TEX101: variants seen among roughly 807,000 people sequenced by gnomAD.
TEX101 encodes testis expressed 101, also known as testis-expressed protein 101.
TEX101 carries 10 observed loss-of-function variants against 18.1 expected under a neutral mutation model. That is an observed-to-expected ratio of 0.55 (90% CI 0.34 to 0.94). The LOEUF (loss-of-function observed/expected upper bound fraction) is 0.94. Among genes scored for constraint, TEX101 ranks in the 40% least tolerant of loss-of-function variants. TEX101 has a pLI of 0.02. For synonymous variants in TEX101, 94 were observed against 114.8 expected, an observed-to-expected ratio of 0.82 and a Z score of 1.16; for missense variants, 259 against 298.9, an observed-to-expected ratio of 0.87 and a Z score of 0.98.
At position 43,418,274 on chromosome 19, in the gene TEX101, C is replaced by G; in HGVS notation, c.627C>G (p.Cys209Trp). ...AVGPMFVREA[C>W]PHQLLTQPRK... The stretch of plus-strand genomic sequence containing the variant: ...GACCCATGTTTGTGAGGGAAGCGTG[C>G]CCACATCAGCTGCTCACTCAACCTC... The change falls in exon 6 of 6, where the codon TGC becomes TGG. Residue 209 changes from cysteine (C) to tryptophan (W), a missense_variant. Coordinates refer to ENST00000598265, the MANE Select transcript of TEX101 (RefSeq NM_001130011.3). 1 of 1,614,182 alleles carries G rather than the reference C, an allele frequency of 6.2e-7. No homozygotes were observed. The highest frequency in any genetic ancestry group is 8.5e-7 in the Non-Finnish European group (1 of 1,180,042).
intron 3 of TEX101, 31 bp from the exon 4 acceptor site, chr19:43,416,342 T>A (rs1320395135): frequency 6.3e-7 from 1 of 1,598,994 alleles, no homozygotes; most frequent in Non-Finnish European, 8.5e-7. Context: ...ACGGCCACCA[T>A]CCATTTCCCC....
upstream of TEX101, among the ~76,000 whole-genome samples, chr19:43,411,258 G>T (rs1367052560): frequency 1.2e-4 from 18 of 152,208 alleles, no homozygotes; most frequent in Non-Finnish European, 4.4e-5. Context: ...TTCATTTTTA[G>T]TGGAGACAGG....
upstream of TEX101, among the ~76,000 whole-genome samples, chr19:43,397,760 G>A (rs1357508356): frequency 7.9e-6 from 1 of 126,112 alleles, no homozygotes; most frequent in African/African-American, 3.0e-5. Context: ...CCATTGTTCT[G>A]CAAAATATCT....
rs1397922787 is a variant in TEX101, at chr19:43,414,974, C to T, written c.-104C>T. 1 of 985,362 alleles carries T rather than the reference C, an allele frequency of 1.0e-6. No individual in the cohort carries two copies. Among genetic ancestry groups the T allele is most frequent in the Non-Finnish European group, 1.2e-6 (1 of 829,922 alleles). 61.0% of individuals were successfully genotyped at this position (985,362 alleles called of 1,614,324 possible). On this transcript the variant is annotated 5_prime_UTR_variant, in exon 1 of 6. Transcript: ENST00000598265. ...TCTTGTGAGGCGTCTGCCTGGAAGC[C>T]GGCAGCAATTTTGCTTCTTTAAAGA... is the stretch of plus-strand genomic sequence containing the variant.
At chr19:43,409,161 G>A (rs142920568) in intron 3 of TEX101, among the ~76,000 whole-genome samples, 88 of 152,286 alleles carry the variant, frequency 5.8e-4, no homozygotes, top group African/African-American at 2.0e-3. Flanking sequence ...GTCCATAAAT[G>A]GTTGGATAAC....
chr19:43,399,159 T>C (rs1970298863), upstream of TEX101, among the ~76,000 whole-genome samples: 1 of 152,234 alleles, frequency 6.6e-6, no homozygotes, highest in African/African-American at 2.4e-5. Flanking sequence ...CTATTCTCTA[T>C]AAATCTCAAA....
intron 2 of TEX101, among the ~76,000 whole-genome samples, chr19:43,405,715 A>G (rs1388487740): frequency 6.6e-6 from 1 of 152,090 alleles, no homozygotes. Context: ...ACTGGAAGTC[A>G]GGAGTTTGAG....
upstream of TEX101, among the ~76,000 whole-genome samples, chr19:43,397,072 G>A (rs1970273861): frequency 1.3e-5 from 2 of 151,886 alleles, no homozygotes; most frequent in South Asian, 4.2e-4. Flanking sequence ...TCCTGACCTC[G>A]TGATCCACCC....
chr19:43,394,527 A>G, the TEX101 span, among the ~76,000 whole-genome samples: 1 of 151,560 alleles, frequency 6.6e-6, no homozygotes, highest in Non-Finnish European at 1.5e-5. Context: ...CTGGAGTACA[A>G]TGGCGTAATC....
the TEX101 span, among the ~76,000 whole-genome samples, chr19:43,390,460 C>CTTTTTTTTTCTTTTT: frequency 2.0e-5 from 1 of 49,856 alleles, no homozygotes. Flanking sequence ...CTTTTTTTTT[C>CTTTTTTTTTCTTTTT]TTTTTTTTTT....
intron 1 of TEX101, chr19:43,401,570 C>T (rs1398885129): frequency 6.6e-6 from 1 of 152,240 alleles, no homozygotes. Context: ...AGGTGCGTGG[C>T]TGAGGGCCGG....
the TEX101 span, among the ~76,000 whole-genome samples, chr19:43,392,719 G>A: frequency 6.6e-6 from 1 of 152,132 alleles, no homozygotes; most frequent in African/African-American, 2.4e-5. Flanking sequence ...TACAGAGTGA[G>A]AGACAGACAG....
At chr19:43,414,879 C>G (rs1970454939), upstream of TEX101, 1 of 984,396 alleles carries the variant, frequency 1.0e-6, no homozygotes, top group Middle Eastern at 5.2e-4. Context: ...GCTGGCCCGG[C>G]CTTGCGTCGT....
At chr19:43,408,954 TG>T (rs1970395447) in intron 3 of TEX101, among the ~76,000 whole-genome samples, 2 of 152,218 alleles carry the variant, frequency 1.3e-5, no homozygotes, top group African/African-American at 4.8e-5. Flanking sequence ...CCTGAAACTG[TG>T]ACCTCATTCT....
upstream of TEX101, among the ~76,000 whole-genome samples, chr19:43,414,367 G>A (rs1391962544): frequency 1.3e-5 from 2 of 152,168 alleles, no homozygotes; most frequent in African/African-American, 4.8e-5. Flanking sequence ...CCCTCCAGGA[G>A]ACCATGAGGA....
At chr19:43,395,247 A>G in the TEX101 span, among the ~76,000 whole-genome samples, 1 of 152,212 alleles carries the variant, frequency 6.6e-6, no homozygotes, top group Non-Finnish European at 1.5e-5. Context: ...ACACCTTCAG[A>G]AAAGGAAATT....
upstream of TEX101, among the ~76,000 whole-genome samples, chr19:43,399,781 C>T (rs1420420349): frequency 6.6e-6 from 1 of 150,946 alleles, no homozygotes; most frequent in Non-Finnish European, 1.5e-5. Context: ...AACAGCCCCT[C>T]CAAGTTGGCT....
At chr19:43,399,958 G>C (rs2122314815), upstream of TEX101, among the ~76,000 whole-genome samples, 1 of 152,096 alleles carries the variant, frequency 6.6e-6, no homozygotes, top group Non-Finnish European at 1.5e-5. Context: ...GGGATTACAG[G>C]TACAAGCCAC....
intron 4 of TEX101, among the ~76,000 whole-genome samples, chr19:43,416,873 A>C (rs745433950): frequency 3.3e-5 from 5 of 151,954 alleles, no homozygotes; most frequent in Non-Finnish European, 7.4e-5. Flanking sequence ...TCTCTACTAA[A>C]AATACAAAAA....
Sources: gnomAD v4.1 joint callset for allele counts (sites outside exome capture counted in the v4.1 genomes callset) on GRCh38, gnomAD v4.1.1 for gene constraint, MANE v1.5 for transcripts, NCBI Gene and HGNC (gene_info 2026-07-23, HGNC 2026-07-21) for gene names.